UVRAG: variants seen among roughly 807,000 people sequenced by gnomAD.
UVRAG encodes the protein UV radiation resistance-associated gene protein.
A neutral mutation model predicts 78.0 loss-of-function variants in UVRAG; 19 were observed. That is an observed-to-expected ratio of 0.24 (90% CI 0.17 to 0.36). The LOEUF (loss-of-function observed/expected upper bound fraction) is 0.36. Among genes scored for constraint, UVRAG ranks in the 10% least tolerant of loss-of-function variants. The pLI, the probability that UVRAG is intolerant of heterozygous loss-of-function variation, is 1.00. For synonymous variants in UVRAG, 323 were observed against 324.6 expected, an observed-to-expected ratio of 1.00 and a Z score of 0.05; for missense variants, 740 against 853.8, an observed-to-expected ratio of 0.87 and a Z score of 1.66.
intron 3 of UVRAG, among the ~76,000 whole-genome samples, chr11:75,868,217 A>C (rs889092222): frequency 6.6e-6 from 1 of 152,256 alleles, no homozygotes; most frequent in Non-Finnish European, 1.5e-5. Context: ...GGAACAAGCT[A>C]TATAGCTATT....
chr11:75,941,845 A>C lies in UVRAG; in HGVS notation c.594-19599A>C, dbSNP rs571509701. ...GTGGAAGGCCATTATGAACTCTTGC[A>C]TTGGCTCTCTTATGATCATAAGCCT... On this transcript the variant is annotated intron_variant, in intron 6 of 14. Coordinates refer to ENST00000356136, the MANE Select transcript of UVRAG (RefSeq NM_003369.4). Among the ~76,000 whole-genome samples, 4 of 152,238 alleles carry C rather than the reference A, an allele frequency of 2.6e-5. No individual in the cohort carries two copies. In the East Asian group the frequency reaches 7.7e-4, roughly 29 times the overall value.
At chr11:75,826,286 G>A (rs1038812697) in intron 1 of UVRAG, among the ~76,000 whole-genome samples, 1 of 152,038 alleles carries the variant, frequency 6.6e-6, no homozygotes, top group African/African-American at 2.4e-5. Context: ...CTCCAGAGTA[G>A]CTGATATTAC....
intron 13 of UVRAG, among the ~76,000 whole-genome samples, chr11:76,111,040 G>T (rs866626629): frequency 6.6e-6 from 1 of 151,962 alleles, no homozygotes; most frequent in South Asian, 2.1e-4. Context: ...TTTTAGTAGA[G>T]ATGAGGTCTC....
At chr11:76,066,252 T>G (rs114800957) in intron 13 of UVRAG, among the ~76,000 whole-genome samples, 2,280 of 152,300 alleles carry the variant, frequency 0.015, 58 homozygotes, top group African/African-American at 0.052. Context: ...CCTTCCAGTC[T>G]GTCTTAGATG....
chr11:76,030,313 G>C (rs1282072730), intron 12 of UVRAG, among the ~76,000 whole-genome samples: 2 of 152,122 alleles, frequency 1.3e-5, no homozygotes, highest in African/African-American at 2.4e-5. Flanking sequence ...GATTACAGCT[G>C]TGAGCCACAA....
At chr11:75,957,619 C>T (rs1948826640) in intron 6 of UVRAG, among the ~76,000 whole-genome samples, 1 of 152,080 alleles carries the variant, frequency 6.6e-6, no homozygotes, top group Admixed American at 6.5e-5. Flanking sequence ...GCTATTTACC[C>T]ATTTGGGAAA....
chr11:76,039,137 C>A (rs1406401282), intron 12 of UVRAG, among the ~76,000 whole-genome samples: 1 of 152,066 alleles, frequency 6.6e-6, no homozygotes, highest in East Asian at 1.9e-4. Context: ...ACTTGATCAC[C>A]CTATGTGCCT....
In UVRAG at chr11:75,888,838, C is replaced by T; in HGVS notation, c.442C>T (p.Arg148Ter). The change falls in exon 5 of 15, where the codon CGA becomes TGA. Residue 148 changes from arginine to a stop codon, truncating the protein, a stop_gained. Transcript: ENST00000356136. LOFTEE classifies it high-confidence loss of function. ...TTTCCTCCTCTCTTAGATTCATGCC[C>T]GAAACCAAAATGAAATAATTTTTGG... is the stretch of plus-strand genomic sequence containing the variant. ...LKYLGQQIHA[R>*]NQNEIIFGLN... 2 of 1,613,032 alleles carry T rather than the reference C, an allele frequency of 1.2e-6. No individual in the cohort carries two copies. Among genetic ancestry groups the T allele is most frequent in the African/African-American group, 1.3e-5 (1 of 74,948 alleles).
intron 1 of UVRAG, chr11:75,837,557 A>G (rs1945813253): frequency 6.6e-6 from 1 of 152,140 alleles, no homozygotes; most frequent in Non-Finnish European, 1.5e-5. Context: ...AGGCTAGTCA[A>G]GTGAGGAACT....
chr11:76,102,515 C>G (rs931414457), intron 13 of UVRAG, among the ~76,000 whole-genome samples: 1 of 152,128 alleles, frequency 6.6e-6, no homozygotes, highest in African/African-American at 2.4e-5. Flanking sequence ...CATCTGCAAA[C>G]AGGGAGAGTT....
intron 5 of UVRAG, among the ~76,000 whole-genome samples, chr11:75,903,797 C>T (rs780211840): frequency 2.6e-5 from 4 of 152,248 alleles, no homozygotes; most frequent in South Asian, 4.2e-4. Context: ...TCTATGTACT[C>T]GGTGTTCAGT....
At chr11:76,024,180 G>A (rs145385736) in intron 12 of UVRAG, among the ~76,000 whole-genome samples, 1 of 152,186 alleles carries the variant, frequency 6.6e-6, no homozygotes, top group Non-Finnish European at 1.5e-5. Context: ...TTGCGAGCTT[G>A]CAGGAAGGGT....
At chr11:76,035,456 A>G (rs944892981) in intron 12 of UVRAG, among the ~76,000 whole-genome samples, 9 of 152,266 alleles carry the variant, frequency 5.9e-5, no homozygotes, top group Middle Eastern at 3.4e-3. Context: ...GTATTATTTT[A>G]ATTGGAAACT....
chr11:76,086,673 T>C (rs1015171308), intron 13 of UVRAG, among the ~76,000 whole-genome samples: 2 of 152,204 alleles, frequency 1.3e-5, no homozygotes, highest in African/African-American at 2.4e-5. Context: ...TGATTTAATA[T>C]GAAAGATCAT....
At chr11:75,880,657 C>G (rs1395628802) in intron 4 of UVRAG, among the ~76,000 whole-genome samples, 1 of 152,118 alleles carries the variant, frequency 6.6e-6, no homozygotes, top group Non-Finnish European at 1.5e-5. Context: ...CAAGTTCAAG[C>G]GATTCTCCTG....
intron 6 of UVRAG, among the ~76,000 whole-genome samples, chr11:75,933,149 T>C (rs917172654): frequency 3.3e-5 from 5 of 152,190 alleles, no homozygotes; most frequent in African/African-American, 1.2e-4. Context: ...GGTACTGGCC[T>C]AAAAGCAGAC....
intron 13 of UVRAG, among the ~76,000 whole-genome samples, chr11:76,077,807 G>C: frequency 6.6e-6 from 1 of 152,130 alleles, no homozygotes; most frequent in East Asian, 1.9e-4. Context: ...TACATAACAG[G>C]CTTCCCTTTT....
intron 5 of UVRAG, among the ~76,000 whole-genome samples, chr11:75,898,057 G>T (rs766915185): frequency 1.5e-4 from 22 of 151,432 alleles, no homozygotes; most frequent in South Asian, 6.3e-4. Flanking sequence ...TTTTAGTAGA[G>T]ATGGGGTTTC....
chr11:76,000,443 CA>C (rs1242312562), intron 8 of UVRAG, among the ~76,000 whole-genome samples: 2 of 151,612 alleles, frequency 1.3e-5, no homozygotes, highest in Non-Finnish European at 2.9e-5. Flanking sequence ...TCAACACACA[CA>C]AAAAAACTTA....
Sources: allele counts gnomAD v4.1 joint callset (sites outside exome capture counted in the v4.1 genomes callset), GRCh38; gene constraint gnomAD v4.1.1; transcripts MANE v1.5; gene names NCBI Gene and HGNC (gene_info 2026-07-23, HGNC 2026-07-21).